Variants in SETBP1 observed in about 807,000 individuals in gnomAD.
The protein encoded by SETBP1 is SET-binding protein.
Under a neutral mutation model 101.0 loss-of-function variants are expected in SETBP1, and 9 were observed. That is an observed-to-expected ratio of 0.09 (90% CI 0.05 to 0.16). SETBP1 has a LOEUF of 0.16. Ranked by LOEUF, SETBP1 falls within the 10% of genes least tolerant of loss-of-function variation. The pLI, the probability that SETBP1 is intolerant of heterozygous loss-of-function variation, is 1.00. For synonymous variants in SETBP1, 818 were observed against 788.5 expected (o/e 1.04, Z -0.63); for missense variants, 1,858 against 2,033.8 (o/e 0.91, Z 1.66).
chr18:44,929,070 C>G (rs908354103), intron 3 of SETBP1, among the ~76,000 whole-genome samples: 1 of 152,126 alleles, frequency 6.6e-6, no homozygotes, highest in Non-Finnish European at 1.5e-5. Context: ...TTAGGTCTAA[C>G]ATTTAAGTCT....
intron 2 of SETBP1, among the ~76,000 whole-genome samples, chr18:44,705,037 T>A (rs762048804): frequency 1.3e-5 from 2 of 152,172 alleles, no homozygotes; most frequent in African/African-American, 2.4e-5. Context: ...TGCTAGTGAT[T>A]CCTACTAGGG....
chr18:44,742,442 CAG>C (rs1480491180), intron 2 of SETBP1, among the ~76,000 whole-genome samples: 3 of 152,108 alleles, frequency 2.0e-5, no homozygotes, highest in Non-Finnish European at 4.4e-5. Flanking sequence ...GATGGGGTGG[CAG>C]AGAGGATGCT....
At chr18:44,996,856 T>C (rs188177791) in intron 4 of SETBP1, among the ~76,000 whole-genome samples, 1 of 152,074 alleles carries the variant, frequency 6.6e-6, no homozygotes, top group African/African-American at 2.4e-5. Context: ...GGAAAAGATA[T>C]GAGGCTAGTG....
rs11295119 is a variant in SETBP1, at chr18:44,839,073, TAA to T, written c.487-30144_487-30143del. ...GCAATGAATGATTCTCTTAATATCTTAAAAAAAAAAAAAACCCAGCCTTCTCA... is the reference window on the plus strand; with the variant it reads ...GCAATGAATGATTCTCTTAATATCTTAAAAAAAAAAAACCCAGCCTTCTCA... On this transcript the variant is annotated intron_variant, in intron 2 of 5. Coordinates refer to ENST00000649279, the MANE Select transcript of SETBP1 (RefSeq NM_015559.3). Among the ~76,000 whole-genome samples, 988 of 146,302 alleles carry T rather than the reference TAA, an allele frequency of 6.8e-3. 7 individuals are homozygous for T. Among genetic ancestry groups the T allele is most frequent in the Non-Finnish European group, 0.01 (670 of 66,480 alleles).
chr18:44,929,184 A>C (rs1221467080), intron 3 of SETBP1, among the ~76,000 whole-genome samples: 1 of 152,182 alleles, frequency 6.6e-6, no homozygotes, highest in Non-Finnish European at 1.5e-5. Flanking sequence ...CCATTTATTA[A>C]ATAGGGAATC....
intron 4 of SETBP1, among the ~76,000 whole-genome samples, chr18:44,993,121 G>T (rs1432406347): frequency 2.6e-5 from 4 of 151,916 alleles, no homozygotes; most frequent in Non-Finnish European, 4.4e-5. Context: ...TATGACAAAG[G>T]TTCTCAGCAA....
chr18:44,797,114 A>T (rs1380941675), intron 2 of SETBP1, among the ~76,000 whole-genome samples: 1 of 152,160 alleles, frequency 6.6e-6, no homozygotes, highest in African/African-American at 2.4e-5. Context: ...GCTTAACCAG[A>T]GATGTTCAGC....
At chr18:44,764,840 T>C (rs11082405) in intron 2 of SETBP1, among the ~76,000 whole-genome samples, 104,670 of 152,070 alleles carry the variant, frequency 0.69, 36,279 homozygotes, top group Non-Finnish European at 0.72. Flanking sequence ...TTTACTTGCT[T>C]ATTTGTTTAT....
intron 2 of SETBP1, among the ~76,000 whole-genome samples, chr18:44,816,796 TA>T (rs1037751101): frequency 3.9e-5 from 6 of 152,256 alleles, no homozygotes; most frequent in Non-Finnish European, 5.9e-5. Flanking sequence ...TTAGGATTTT[TA>T]AAAAAACACC....
intron 3 of SETBP1, among the ~76,000 whole-genome samples, chr18:44,947,042 C>T (rs562640380): frequency 3.3e-5 from 5 of 152,290 alleles, no homozygotes; most frequent in African/African-American, 1.2e-4. Context: ...TGAGTGCCTA[C>T]TGTGTGCCAG....
At chr18:44,859,983 C>A (rs537759093) in intron 2 of SETBP1, among the ~76,000 whole-genome samples, 1 of 152,304 alleles carries the variant, frequency 6.6e-6, no homozygotes, top group East Asian at 1.9e-4. Flanking sequence ...CTTTTGACTT[C>A]GGTGCTCAGA....
intron 2 of SETBP1, among the ~76,000 whole-genome samples, chr18:44,739,476 T>G (rs1285687893): frequency 6.6e-6 from 1 of 152,176 alleles, no homozygotes; most frequent in African/African-American, 2.4e-5. Context: ...AAAAAGCAAT[T>G]TGCTATAATT....
intron 2 of SETBP1, among the ~76,000 whole-genome samples, chr18:44,818,154 G>A (rs1377033953): frequency 6.6e-6 from 1 of 152,170 alleles, no homozygotes; most frequent in Non-Finnish European, 1.5e-5. Flanking sequence ...AACTTCGTCT[G>A]CCTAACCCCA....
chr18:44,896,810 G>A (rs980354263), intron 3 of SETBP1, among the ~76,000 whole-genome samples: 2 of 152,040 alleles, frequency 1.3e-5, no homozygotes, highest in African/African-American at 4.8e-5. Flanking sequence ...TTCCTCCTAT[G>A]ATATCTTTCT....
chr18:44,889,171 G>A (rs1387627013), intron 3 of SETBP1, among the ~76,000 whole-genome samples: 1 of 152,038 alleles, frequency 6.6e-6, no homozygotes, highest in Admixed American at 6.6e-5. Context: ...TTTTGCTAAT[G>A]CTTTTAGTAT....
intron 2 of SETBP1, among the ~76,000 whole-genome samples, chr18:44,755,613 T>A (rs2070474658): frequency 6.6e-6 from 1 of 152,038 alleles, no homozygotes; most frequent in African/African-American, 2.4e-5. Context: ...CACTATTGGC[T>A]TCTCTTGTTC....
intron 4 of SETBP1, among the ~76,000 whole-genome samples, chr18:45,007,247 G>T (rs1306534656): frequency 6.6e-6 from 1 of 152,078 alleles, no homozygotes; most frequent in African/African-American, 2.4e-5. Flanking sequence ...TTTGTTTTAT[G>T]CAACTGTTAC....
intron 4 of SETBP1, among the ~76,000 whole-genome samples, chr18:44,959,805 G>T (rs992039382): frequency 6.6e-6 from 1 of 152,126 alleles, no homozygotes; most frequent in Admixed American, 6.5e-5. Flanking sequence ...TGGTAAGGGT[G>T]GTCATGAGAG....
intron 1 of SETBP1, among the ~76,000 whole-genome samples, chr18:44,682,554 CG>C (rs1217667980): frequency 3.9e-5 from 6 of 152,138 alleles, no homozygotes; most frequent in Non-Finnish European, 7.4e-5. Flanking sequence ...TTTGCTCTGA[CG>C]AGGGATTCCC....
Sources: allele counts gnomAD v4.1 joint callset (sites outside exome capture counted in the v4.1 genomes callset), GRCh38; gene constraint gnomAD v4.1.1; transcripts MANE v1.5; gene names NCBI Gene and HGNC (gene_info 2026-07-23, HGNC 2026-07-21).